Variants in CAMK1D observed in about 807,000 individuals in gnomAD.
CAMK1D encodes the protein calcium/calmodulin-dependent protein kinase type 1D.
Under a neutral mutation model 47.7 loss-of-function variants are expected in CAMK1D, and 9 were observed. That is an observed-to-expected ratio of 0.19 (90% confidence interval 0.11 to 0.33). The LOEUF is 0.33. CAMK1D is among the 10% of genes least tolerant of loss of function. The pLI is 1.00. For missense variants in CAMK1D, 291 were observed against 488.7 expected, an observed-to-expected ratio of 0.60 and a Z score of 3.81; for synonymous variants, 184 against 184.9, an observed-to-expected ratio of 0.99 and a Z score of 0.04.
chr10:12,376,764 T>C (rs1001100932), intron 1 of CAMK1D, among the ~76,000 whole-genome samples: 8 of 151,654 alleles, frequency 5.3e-5, no homozygotes, highest in African/African-American at 7.3e-5. Context: ...CTTTTCTTTT[T>C]TTTTTTTGAG....
At chr10:12,553,459 C>T (rs1213609871) in intron 2 of CAMK1D, 103 bp downstream of exon 2, 1 of 867,668 alleles carries the variant, frequency 1.2e-6, no homozygotes, top group Non-Finnish European at 1.9e-6. Flanking sequence ...GCAGAGGGGC[C>T]CCCAGAGGAC....
intron 2 of CAMK1D, among the ~76,000 whole-genome samples, chr10:12,557,876 T>C (rs1377085778): frequency 6.6e-6 from 1 of 152,216 alleles, no homozygotes; most frequent in African/African-American, 2.4e-5. Context: ...GGCTGAGAAA[T>C]TTATTTATTT....
At chr10:12,637,247 C>T (rs1225379770) in intron 2 of CAMK1D, among the ~76,000 whole-genome samples, 2 of 152,198 alleles carry the variant, frequency 1.3e-5, no homozygotes, top group Non-Finnish European at 2.9e-5. Context: ...GCCGGGATTA[C>T]AGGTGTGAGC....
chr10:12,728,963 A>G (rs933650560), intron 3 of CAMK1D, among the ~76,000 whole-genome samples: 1 of 152,220 alleles, frequency 6.6e-6, no homozygotes, highest in African/African-American at 2.4e-5. Context: ...AACTACTACT[A>G]ACTCTGTAAC....
rs34950814 is a variant in CAMK1D at position 12,797,211 on chromosome 10, T to TG, written c.641+5979dup. On this transcript the variant is annotated intron_variant, in intron 6 of 10. Coordinates refer to ENST00000619168, the MANE Select transcript of CAMK1D (RefSeq NM_153498.4). ...TGACCAGTTCCTTTTTTTTTTTTTT[T>TG]GTTTAGAGACAGGGTCTTGCTTTGT... Among the ~76,000 whole-genome samples, 10 of 150,786 alleles carry TG rather than the reference T, an allele frequency of 6.6e-5. No homozygotes were observed. In the South Asian group the frequency reaches 1.3e-3, roughly 19 times the overall value.
At chr10:12,732,536 C>T (rs1002393797) in intron 3 of CAMK1D, among the ~76,000 whole-genome samples, 2 of 152,038 alleles carry the variant, frequency 1.3e-5, no homozygotes, top group African/African-American at 4.8e-5. Context: ...GCACTTCTTA[C>T]GTGGTGGCCG....
chr10:12,630,225 C>G (rs1477022954), intron 2 of CAMK1D, among the ~76,000 whole-genome samples: 2 of 152,196 alleles, frequency 1.3e-5, no homozygotes, highest in African/African-American at 2.4e-5. Flanking sequence ...TTCTTCCCAG[C>G]ATCTTCTCCC....
At chr10:12,618,828 C>G (rs1254319191) in intron 2 of CAMK1D, among the ~76,000 whole-genome samples, 2 of 152,200 alleles carry the variant, frequency 1.3e-5, no homozygotes, top group Middle Eastern at 3.4e-3. Context: ...TGTCATATAC[C>G]AATCAGTGAC....
At chr10:12,494,487 C>G (rs1478438673) in intron 1 of CAMK1D, among the ~76,000 whole-genome samples, 5 of 152,086 alleles carry the variant, frequency 3.3e-5, no homozygotes, top group Non-Finnish European at 1.5e-5. Flanking sequence ...TGTCCCCAAC[C>G]CTGCATTTCA....
chr10:12,735,469 C>T (rs1835144051), intron 3 of CAMK1D, among the ~76,000 whole-genome samples: 1 of 151,996 alleles, frequency 6.6e-6, no homozygotes, highest in South Asian at 2.1e-4. Context: ...CAGAGCGAGA[C>T]TCCGTCTCAA....
intron 3 of CAMK1D, among the ~76,000 whole-genome samples, chr10:12,755,268 A>G (rs1836176591): frequency 6.6e-6 from 1 of 152,144 alleles, no homozygotes; most frequent in South Asian, 2.1e-4. Flanking sequence ...GTGGGCACCA[A>G]ACCTACGGAA....
intron 1 of CAMK1D, among the ~76,000 whole-genome samples, chr10:12,536,309 C>T (rs1000573952): frequency 6.6e-6 from 1 of 152,018 alleles, no homozygotes; most frequent in Non-Finnish European, 1.5e-5. Context: ...GACGGAGGCT[C>T]ACTCTGTCTC....
chr10:12,630,911 G>A (rs1839362104), intron 2 of CAMK1D, among the ~76,000 whole-genome samples: 1 of 152,174 alleles, frequency 6.6e-6, no homozygotes, highest in Non-Finnish European at 1.5e-5. Context: ...GGGACAGGAG[G>A]ACCAGATTGC....
intron 3 of CAMK1D, among the ~76,000 whole-genome samples, chr10:12,689,468 G>C (rs781160272): frequency 2.6e-5 from 4 of 152,130 alleles, no homozygotes; most frequent in Non-Finnish European, 5.9e-5. Flanking sequence ...TTTCTCACAA[G>C]AGTAGATATT....
At chr10:12,636,119 CATTGT>C (rs768944492) in intron 2 of CAMK1D, among the ~76,000 whole-genome samples, 1 of 152,192 alleles carries the variant, frequency 6.6e-6, no homozygotes, top group Non-Finnish European at 1.5e-5. Context: ...GTACATTTCA[CATTGT>C]TATATGATCC....
chr10:12,689,333 C>T (rs547997551), intron 3 of CAMK1D, among the ~76,000 whole-genome samples: 7 of 152,306 alleles, frequency 4.6e-5, no homozygotes, highest in Non-Finnish European at 8.8e-5. Context: ...TCTTTAGTAA[C>T]CTATTTCGCC....
intron 3 of CAMK1D, among the ~76,000 whole-genome samples, chr10:12,715,744 A>G (rs1431892323): frequency 6.3e-5 from 8 of 126,596 alleles, no homozygotes; most frequent in Admixed American, 1.7e-4. Flanking sequence ...TTTTTTTTAG[A>G]TGAAGTCTCT....
At chr10:12,803,743 C>G (rs982498909) in intron 6 of CAMK1D, among the ~76,000 whole-genome samples, 1 of 152,118 alleles carries the variant, frequency 6.6e-6, no homozygotes, top group Non-Finnish European at 1.5e-5. Flanking sequence ...GAGCTCTGGA[C>G]AGATGCCCAG....
chr10:12,380,670 C>G (rs1838314534), intron 1 of CAMK1D, among the ~76,000 whole-genome samples: 1 of 152,156 alleles, frequency 6.6e-6, no homozygotes, highest in African/African-American at 2.4e-5. Flanking sequence ...TCCTGGCTAA[C>G]ACGGTGAAAC....
Sources: allele counts gnomAD v4.1 joint callset (sites outside exome capture counted in the v4.1 genomes callset), GRCh38; gene constraint gnomAD v4.1.1; transcripts MANE v1.5; gene names NCBI Gene and HGNC (gene_info 2026-07-23, HGNC 2026-07-21).